Variants in CADM2 observed in about 807,000 individuals in gnomAD.
CADM2 encodes immunoglobulin superfamily member 4D.
A neutral mutation model predicts 49.8 loss-of-function variants in CADM2; 12 were observed. That is an observed-to-expected ratio of 0.24 (90% confidence interval 0.15 to 0.39). The LOEUF is 0.39. Ranked by LOEUF, CADM2 falls within the 10% of genes least tolerant of loss-of-function variation. The probability of loss-of-function intolerance (pLI) is 1.00; values close to 1 mark genes in which losing one functional copy is unlikely to be tolerated. For missense variants in CADM2, 378 were observed against 492.3 expected (o/e 0.77, Z 2.20); for synonymous variants, 214 against 175.4 (o/e 1.22, Z -1.74).
rs1159969286 is a variant in CADM2 at position 85,515,631 on chromosome 3, A to ATATAT, written c.62-210890_62-210889insATATT. Among the ~76,000 whole-genome samples, 342 of 118,396 alleles carry ATATAT rather than the reference A, an allele frequency of 2.9e-3. 3 individuals carry two copies. Among genetic ancestry groups the ATATAT allele is most frequent in the African/African-American group, 0.011 (313 of 29,640 alleles). The allele number at this position is 118,396 out of a possible 152,430, so 77.7% of individuals were successfully genotyped here. A position where few individuals can be genotyped will look rare whatever the true frequency, so the allele number is the denominator to read the frequency against. Reference sequence around the variant, plus strand: ...CACTAATATATATATATATATATATATTTTTTTTTTTTGTATCTTTAGTAG... The same window carrying ATATAT: ...CACTAATATATATATATATATATATATATATTTTTTTTTTTTTGTATCTTTAGTAG... On this transcript the variant is annotated intron_variant, in intron 1 of 9. Coordinates refer to ENST00000383699, the MANE Select transcript of CADM2 (RefSeq NM_001167675.2).
At position 85,132,970 on chromosome 3, in the gene CADM2, G is replaced by T. The variant is rs144759206; in HGVS notation, c.61+173302G>T. 2.8e-3 allele frequency among the ~76,000 whole-genome samples: 428 copies of T among 152,254 alleles called. 2 individuals carry two copies. The highest frequency in any genetic ancestry group is 9.9e-3 in the African/African-American group (410 of 41,554). ...CTTCTGATATTCGGATATGTTCAGAGTTTCTTCCTTCTGGTGGGTTCGTGG... is the reference window on the plus strand; with the variant it reads ...CTTCTGATATTCGGATATGTTCAGATTTTCTTCCTTCTGGTGGGTTCGTGG... On this transcript the variant is annotated intron_variant, in intron 1 of 9. Coordinates refer to ENST00000383699, the MANE Select transcript of CADM2 (RefSeq NM_001167675.2).
intron 1 of CADM2, among the ~76,000 whole-genome samples, chr3:85,646,128 A>G (rs556916355): frequency 6.6e-6 from 1 of 152,116 alleles, no homozygotes; most frequent in Admixed American, 6.6e-5. Context: ...TTCAATGTTA[A>G]ACCTAAATAC....
chr3:85,742,493 T>C (rs1474263803), intron 2 of CADM2, among the ~76,000 whole-genome samples: 2 of 152,140 alleles, frequency 1.3e-5, no homozygotes, highest in Non-Finnish European at 2.9e-5. Context: ...TTAAGTTAGA[T>C]TGGTATTTTA....
intron 1 of CADM2, among the ~76,000 whole-genome samples, chr3:84,993,657 C>G (rs1439650423): frequency 1.3e-5 from 2 of 152,120 alleles, no homozygotes; most frequent in Non-Finnish European, 2.9e-5. Context: ...AAGCCATTAG[C>G]AGAAACACAC....
At chr3:84,986,512 T>G (rs2032559885) in intron 1 of CADM2, among the ~76,000 whole-genome samples, 1 of 151,942 alleles carries the variant, frequency 6.6e-6, no homozygotes, top group South Asian at 2.1e-4. Context: ...AATTTTTAAA[T>G]TAGAGAGCAG....
intron 1 of CADM2, among the ~76,000 whole-genome samples, chr3:85,131,209 A>G (rs899940437): frequency 2.6e-5 from 4 of 152,220 alleles, no homozygotes; most frequent in Non-Finnish European, 5.9e-5. Context: ...CTATTAAAAT[A>G]AAAACAAAGA....
intron 3 of CADM2, among the ~76,000 whole-genome samples, chr3:85,824,531 G>A (rs536225989): frequency 6.6e-6 from 1 of 152,232 alleles, no homozygotes; most frequent in African/African-American, 2.4e-5. Flanking sequence ...TGTTGTCTCT[G>A]AGGAATTAAA....
chr3:85,662,567 C>G (rs2065442159), intron 1 of CADM2, among the ~76,000 whole-genome samples: 2 of 152,038 alleles, frequency 1.3e-5, no homozygotes, highest in Admixed American at 6.6e-5. Context: ...TCTACACTTT[C>G]ACCATTCCTC....
At chr3:85,568,614 T>TTTTC (rs760058918) in intron 1 of CADM2, among the ~76,000 whole-genome samples, 60,364 of 112,370 alleles carry the variant, frequency 0.54, 18,472 homozygotes, top group East Asian at 0.87. Context: ...CTCTCTTTCT[T>TTTTC]TTTTTTTTTT....
chr3:85,370,704 A>G (rs139331082), intron 1 of CADM2, among the ~76,000 whole-genome samples: 3 of 152,306 alleles, frequency 2.0e-5, no homozygotes, highest in African/African-American at 7.2e-5. Flanking sequence ...TATTTCTTCT[A>G]CTTATAACAT....
intron 8 of CADM2, among the ~76,000 whole-genome samples, chr3:86,037,956 A>T (rs1735377699): frequency 6.6e-6 from 1 of 152,166 alleles, no homozygotes; most frequent in Non-Finnish European, 1.5e-5. Flanking sequence ...TGCATACATT[A>T]GGTATTTGTG....
chr3:85,726,407 C>A, intron 1 of CADM2, 115 bp from the exon 2 acceptor site: 1 of 1,115,584 alleles, frequency 9.0e-7, no homozygotes, highest in South Asian at 1.3e-5. Context: ...ATCATGAAAT[C>A]ACAAATGTAC....
At chr3:85,676,305 C>A (rs1342019758) in intron 1 of CADM2, among the ~76,000 whole-genome samples, 1 of 152,186 alleles carries the variant, frequency 6.6e-6, no homozygotes, top group Non-Finnish European at 1.5e-5. Context: ...CCCTCCCAAA[C>A]CCAAATAGAA....
intron 3 of CADM2, among the ~76,000 whole-genome samples, chr3:85,873,597 C>T (rs1352573483): frequency 6.6e-6 from 1 of 152,026 alleles, no homozygotes; most frequent in Non-Finnish European, 1.5e-5. Context: ...ACCAGGGAGG[C>T]AGAGGTTGCA....
chr3:86,020,164 G>A (rs1461898560), intron 8 of CADM2, among the ~76,000 whole-genome samples: 10 of 151,898 alleles, frequency 6.6e-5, no homozygotes, highest in Non-Finnish European at 1.0e-4. Context: ...TGTCACCACC[G>A]ATCCCACAGA....
At chr3:85,757,830 T>G (rs1228038850) in intron 2 of CADM2, among the ~76,000 whole-genome samples, 1 of 152,136 alleles carries the variant, frequency 6.6e-6, no homozygotes, top group African/African-American at 2.4e-5. Flanking sequence ...TGAAAAATCT[T>G]TAATGATTGA....
chr3:85,599,858 A>G (rs893596928), intron 1 of CADM2, among the ~76,000 whole-genome samples: 1 of 151,814 alleles, frequency 6.6e-6, no homozygotes, highest in Non-Finnish European at 1.5e-5. Flanking sequence ...TAATGCACAG[A>G]AAGAATTAGC....
chr3:85,206,311 CTTTT>C (rs546784330), intron 1 of CADM2, among the ~76,000 whole-genome samples: 1 of 130,260 alleles, frequency 7.7e-6, no homozygotes. Context: ...TTTTTCTTTT[CTTTT>C]TTTTTTTTTT....
chr3:85,291,887 G>A lies in CADM2; in HGVS notation c.61+332219G>A, dbSNP rs569710505. ...AGGAAGAAACTGCATCAACTAACGA[G>A]CAAAATAACCAGCTAACATCATAAT... On this transcript the variant is annotated intron_variant, in intron 1 of 9. Coordinates refer to ENST00000383699, the MANE Select transcript of CADM2 (RefSeq NM_001167675.2). 3.9e-3 allele frequency among the ~76,000 whole-genome samples: 580 copies of A among 150,424 alleles called. 4 individuals carry two copies. The highest frequency in any genetic ancestry group is 0.013 in the African/African-American group (521 of 40,416).
Sources: allele counts gnomAD v4.1 joint callset (sites outside exome capture counted in the v4.1 genomes callset), GRCh38; gene constraint gnomAD v4.1.1; transcripts MANE v1.5; gene names NCBI Gene and HGNC (gene_info 2026-07-23, HGNC 2026-07-21).